KCTD20: variants seen among roughly 807,000 people sequenced by gnomAD.
KCTD20 encodes the protein BTB/POZ domain-containing protein KCTD20.
Under a neutral mutation model 39.6 loss-of-function variants are expected in KCTD20, and 30 were observed. That is an observed-to-expected ratio of 0.76 (90% CI 0.57 to 1.03). The LOEUF (loss-of-function observed/expected upper bound fraction) is 1.03. Ranked by LOEUF, KCTD20 falls within the 50% of genes least tolerant of loss-of-function variation. KCTD20 has a pLI of 0.00. For missense variants in KCTD20, 422 were observed against 522.0 expected (o/e 0.81, Z 1.87); for synonymous variants, 162 against 180.6 (o/e 0.90, Z 0.83).
intron 7 of KCTD20, among the ~76,000 whole-genome samples, chr6:36,486,009 GTCC>G (rs1431452292): frequency 6.6e-6 from 1 of 151,890 alleles, no homozygotes; most frequent in Non-Finnish European, 1.5e-5. Flanking sequence ...GGCTCAAGTG[GTCC>G]TCCTGCCTCA....
chr6:36,484,096 T>C (rs1776345262), intron 6 of KCTD20, among the ~76,000 whole-genome samples: 1 of 151,900 alleles, frequency 6.6e-6, no homozygotes, highest in African/African-American at 2.4e-5. Context: ...CCCACCACTA[T>C]GCCTAATTTT....
intron 7 of KCTD20, 24 bp from the exon 8 acceptor site, chr6:36,486,859 G>C (rs775577700): frequency 6.3e-7 from 1 of 1,594,562 alleles, no homozygotes; most frequent in Non-Finnish European, 8.6e-7. Context: ...TGTTAGTCAT[G>C]AGAATGGCCT....
chr6:36,456,578 CTTTTTTTTTTT>C (rs58002986), intron 1 of KCTD20, among the ~76,000 whole-genome samples: 1 of 106,978 alleles, frequency 9.3e-6, no homozygotes, highest in South Asian at 2.9e-4. Flanking sequence ...CACGCCCAGG[CTTTTTTTTTTT>C]TTTTTTTTTT....
chr6:36,475,209 G>T, intron 3 of KCTD20, 147 bp downstream of exon 3: 1 of 718,632 alleles, frequency 1.4e-6, no homozygotes, highest in South Asian at 2.0e-5. Context: ...ACTTTGGGAG[G>T]TCGAGGCAGG....
chr6:36,482,982 T>C (rs867930332), intron 6 of KCTD20, among the ~76,000 whole-genome samples: 1 of 146,228 alleles, frequency 6.8e-6, no homozygotes, highest in Admixed American at 6.8e-5. Flanking sequence ...CCGGGCATGG[T>C]GGCCCATGCC....
chr6:36,485,114 C>G (rs904443510), intron 7 of KCTD20, among the ~76,000 whole-genome samples: 3 of 152,100 alleles, frequency 2.0e-5, no homozygotes, highest in Non-Finnish European at 4.4e-5. Flanking sequence ...GTGGGCTCAC[C>G]AGATGAGAGC....
At chr6:36,472,636 GT>G (rs1775946677) in intron 2 of KCTD20, among the ~76,000 whole-genome samples, 1 of 151,716 alleles carries the variant, frequency 6.6e-6, no homozygotes, top group African/African-American at 2.4e-5. Context: ...ATTATATTAA[GT>G]TTGTGCTTCC....
At position 36,487,096 on chromosome 6, in the gene KCTD20, A is replaced by G. The variant is rs1163706766; in HGVS notation, c.1181A>G (p.His394Arg). ...DVLEDQEILM[H>R]HPPQVDELDR... ...TTGGAGGACCAGGAGATATTAATGCATCACCCACCCCAAGTGGATGAACTT... is the reference window on the plus strand; with the variant it reads ...TTGGAGGACCAGGAGATATTAATGCGTCACCCACCCCAAGTGGATGAACTT... The change falls in exon 8 of 8, where the codon CAT becomes CGT. Residue 394 changes from histidine (H) to arginine (R), a missense_variant. His to Arg is a conservative substitution (Grantham distance 29). Transcript: ENST00000373731. The G allele has an allele frequency of 5.6e-6, 9 of 1,614,060 alleles. No individual in the cohort carries two copies. The highest frequency in any genetic ancestry group is 4.5e-5 in the East Asian group (2 of 44,896).
At chr6:36,475,121 CTGTT>C in intron 3 of KCTD20, 59 bp downstream of exon 3, 4 of 1,521,774 alleles carry the variant, frequency 2.6e-6, no homozygotes, top group Non-Finnish European at 2.7e-6. Context: ...AAAATACCTG[CTGTT>C]TATCTTGCAT....
Position 36,487,070 on chromosome 6 carries a change from C to A in KCTD20, c.1155C>A (p.Val385=), listed in dbSNP as rs1208856191. The change falls in exon 8 of 8, where the codon GTC becomes GTA. Residue 385 remains valine (V), a synonymous_variant. Coordinates refer to ENST00000373731, the MANE Select transcript of KCTD20 (RefSeq NM_173562.5). ...LTNLVAAGDD[V]LEDQEILMHH... is the part of the protein sequence containing the mutation. ...ATCTGGTAGCTGCTGGAGATGATGT[C>A]TTGGAGGACCAGGAGATATTAATGC... is the stretch of plus-strand genomic sequence containing the variant. The A allele has an allele frequency of 1.2e-6, 2 of 1,614,200 alleles. No individual in the cohort carries two copies. The highest frequency in any genetic ancestry group is 1.3e-5 in the African/African-American group (1 of 75,054).
intron 1 of KCTD20, among the ~76,000 whole-genome samples, chr6:36,459,714 A>G (rs1169494917): frequency 1.3e-5 from 2 of 151,918 alleles, no homozygotes; most frequent in African/African-American, 4.8e-5. Flanking sequence ...TTTGACAGCA[A>G]TTGGTGCTGG....
chr6:36,485,744 G>A (rs1235984634), intron 7 of KCTD20, among the ~76,000 whole-genome samples: 8 of 151,950 alleles, frequency 5.3e-5, no homozygotes, highest in African/African-American at 9.7e-5. Flanking sequence ...CCGCCGCCTC[G>A]GCCTCCCTAA....
chr6:36,472,120 C>T (rs1214526164), intron 2 of KCTD20, among the ~76,000 whole-genome samples: 1 of 152,134 alleles, frequency 6.6e-6, no homozygotes, highest in African/African-American at 2.4e-5. Context: ...AGTGCTGGGA[C>T]TACAGGCGTG....
At chr6:36,454,953 T>C (rs143933541) in intron 1 of KCTD20, among the ~76,000 whole-genome samples, 232 of 152,180 alleles carry the variant, frequency 1.5e-3, no homozygotes, top group African/African-American at 5.3e-3. Flanking sequence ...CGGCCTACTT[T>C]ATGGCTCTTT....
At chr6:36,472,161 C>T (rs1367606456) in intron 2 of KCTD20, among the ~76,000 whole-genome samples, 2 of 152,086 alleles carry the variant, frequency 1.3e-5, no homozygotes, top group African/African-American at 4.8e-5. Flanking sequence ...GTATCTATTT[C>T]GTTTTTAATA....
chr6:36,479,087 G>T, intron 3 of KCTD20, 34 bp from the exon 4 acceptor site: 3 of 1,336,188 alleles, frequency 2.2e-6, no homozygotes, highest in South Asian at 1.2e-5. Flanking sequence ...AATCATGATG[G>T]AGAAGATAAC....
intron 3 of KCTD20, among the ~76,000 whole-genome samples, chr6:36,477,888 G>A (rs1007112770): frequency 2.7e-5 from 4 of 150,568 alleles, no homozygotes; most frequent in Admixed American, 2.0e-4. Flanking sequence ...GGCAGATCAC[G>A]AGGTCAGGAG....
In KCTD20 at chr6:36,475,017, T is replaced by C; in HGVS notation, c.389T>C (p.Val130Ala). 6.2e-7 allele frequency: 1 copy of C among 1,614,174 alleles called. No individual in the cohort carries two copies. The highest frequency in any genetic ancestry group is 8.5e-7 in the Non-Finnish European group (1 of 1,180,006). The change falls in exon 3 of 8, where the codon GTG becomes GCG. Residue 130 changes from valine to alanine, a missense_variant. By Grantham distance (64) the Val-to-Ala change is moderately conservative (BLOSUM62 0). Coordinates refer to ENST00000373731, the MANE Select transcript of KCTD20 (RefSeq NM_173562.5). ...TLLVDGTRFV[V>A]NPQIFTAHPD... ...CTTGTAGATGGCACACGTTTTGTTG[T>C]GAATCCACAGATTTTCACTGCTCAT...
intron 1 of KCTD20, among the ~76,000 whole-genome samples, chr6:36,443,995 C>T (rs1774957526): frequency 6.6e-6 from 1 of 152,156 alleles, no homozygotes; most frequent in Non-Finnish European, 1.5e-5. Flanking sequence ...GTAGTAGTGT[C>T]TGTCGGATGT....
Sources: allele counts gnomAD v4.1 joint callset (sites outside exome capture counted in the v4.1 genomes callset), GRCh38; gene constraint gnomAD v4.1.1; transcripts MANE v1.5; gene names NCBI Gene and HGNC (gene_info 2026-07-23, HGNC 2026-07-21).